Variants in DYNC1I1 observed in about 807,000 individuals in gnomAD.
The protein encoded by DYNC1I1 is cytoplasmic dynein 1 intermediate chain 1.
A neutral mutation model predicts 86.6 loss-of-function variants in DYNC1I1; 43 were observed. That is an observed-to-expected ratio of 0.50 (90% CI 0.39 to 0.64). The LOEUF is 0.64. DYNC1I1 is among the 30% of genes least tolerant of loss of function. DYNC1I1 has a pLI of 0.00. For missense variants in DYNC1I1, 604 were observed against 788.8 expected, an observed-to-expected ratio of 0.77 and a Z score of 2.81; for synonymous variants, 262 against 283.7, an observed-to-expected ratio of 0.92 and a Z score of 0.77.
At chr7:95,837,320 C>G (rs971874350) in intron 5 of DYNC1I1, among the ~76,000 whole-genome samples, 23 of 152,186 alleles carry the variant, frequency 1.5e-4, no homozygotes, top group African/African-American at 5.3e-4. Flanking sequence ...AGGCAGTCTG[C>G]CCGTTCTCAG....
At position 95,813,202 on chromosome 7, in the gene DYNC1I1, C is replaced by T. The variant is rs199740432; in HGVS notation, c.224-45C>T. The T allele has an allele frequency of 1.2e-4, 191 of 1,611,682 alleles. No individual in the cohort carries two copies. Among genetic ancestry groups the T allele is most frequent in the South Asian group, 3.3e-4 (30 of 91,006 alleles). ...TGACACTGCTCTTCACCAGTGCAGCCGCTGCATTTTTTAACATGGGATACC... is the reference window on the plus strand; with the variant it reads ...TGACACTGCTCTTCACCAGTGCAGCTGCTGCATTTTTTAACATGGGATACC... On this transcript the variant is annotated intron_variant, in intron 3 of 16. Coordinates refer to ENST00000447467, the MANE Select transcript of DYNC1I1 (RefSeq NM_001135556.2).
intron 6 of DYNC1I1, among the ~76,000 whole-genome samples, chr7:95,957,153 C>G (rs1213236986): frequency 6.6e-6 from 1 of 152,120 alleles, no homozygotes; most frequent in African/African-American, 2.4e-5. Flanking sequence ...AAATACTTCA[C>G]TATGAAATGA....
chr7:96,051,249 G>T (rs1789396488), intron 14 of DYNC1I1, among the ~76,000 whole-genome samples: 1 of 152,136 alleles, frequency 6.6e-6, no homozygotes, highest in South Asian at 2.1e-4. Flanking sequence ...GGGGGATTTA[G>T]GTTCATGATA....
chr7:95,784,546 A>C (rs1348771998), intron 1 of DYNC1I1, among the ~76,000 whole-genome samples: 1 of 152,178 alleles, frequency 6.6e-6, no homozygotes, highest in Non-Finnish European at 1.5e-5. Flanking sequence ...GTGATGCTGC[A>C]GAGCTTGTGG....
intron 6 of DYNC1I1, among the ~76,000 whole-genome samples, chr7:95,931,172 G>C (rs1791885218): frequency 6.6e-6 from 1 of 150,752 alleles, no homozygotes; most frequent in South Asian, 2.1e-4. Flanking sequence ...TGGAGACAGA[G>C]TCTCACTTTG....
intron 10 of DYNC1I1, among the ~76,000 whole-genome samples, chr7:96,005,422 A>AT (rs1794116316): frequency 6.6e-6 from 1 of 151,952 alleles, no homozygotes; most frequent in South Asian, 2.1e-4. Context: ...CTTCTCTGTG[A>AT]TTTTTCATCT....
chr7:96,041,510 G>A (rs1228958068), intron 14 of DYNC1I1, among the ~76,000 whole-genome samples: 1 of 152,138 alleles, frequency 6.6e-6, no homozygotes, highest in Non-Finnish European at 1.5e-5. Context: ...AAGACATATG[G>A]AGAAGGACAT....
intron 10 of DYNC1I1, among the ~76,000 whole-genome samples, chr7:96,008,014 T>A (rs1342684512): frequency 2.6e-5 from 4 of 152,150 alleles, no homozygotes. Flanking sequence ...CCACTGTATT[T>A]ATTATTGCAC....
intron 9 of DYNC1I1, among the ~76,000 whole-genome samples, chr7:95,987,599 T>C (rs915423404): frequency 6.6e-5 from 10 of 152,204 alleles, no homozygotes; most frequent in South Asian, 2.1e-4. Flanking sequence ...CTGACCATCC[T>C]TGAGGTCCCT....
chr7:95,852,827 T>G (rs1789616917), intron 5 of DYNC1I1, among the ~76,000 whole-genome samples: 1 of 152,180 alleles, frequency 6.6e-6, no homozygotes, highest in Admixed American at 6.5e-5. Flanking sequence ...TTTTATTTCC[T>G]TCTATTAACT....
chr7:95,823,208 A>G (rs1194311173), intron 4 of DYNC1I1, among the ~76,000 whole-genome samples: 1 of 152,132 alleles, frequency 6.6e-6, no homozygotes, highest in African/African-American at 2.4e-5. Flanking sequence ...CACTGAGGAA[A>G]ATGAATTTAG....
intron 6 of DYNC1I1, among the ~76,000 whole-genome samples, chr7:95,870,881 CGTT>C (rs10532792): frequency 0.2 from 30,563 of 151,746 alleles, 3,864 homozygotes; most frequent in East Asian, 0.45. Flanking sequence ...TAGAGGCTAA[CGTT>C]GTTATAGCAA....
intron 6 of DYNC1I1, among the ~76,000 whole-genome samples, chr7:95,934,767 C>T (rs1390382956): frequency 1.3e-5 from 2 of 151,964 alleles, no homozygotes; most frequent in Non-Finnish European, 2.9e-5. Flanking sequence ...TTTAAAATTG[C>T]TATCTCATAC....
In DYNC1I1 at chr7:95,859,082, A is replaced by G. The variant is rs191227354; in HGVS notation, c.375-10801A>G. 7.1e-4 allele frequency among the ~76,000 whole-genome samples: 107 copies of G among 150,234 alleles called. 4 individuals are homozygous for G. Among genetic ancestry groups the G allele is most frequent in the Admixed American group, 5.9e-3 (89 of 14,986 alleles). ...GTTCATAAGTTCTTCTGCTTGATCAATTCTGCTGTTGATGTTCTCTGTTCC... is the reference window on the plus strand; with the variant it reads ...GTTCATAAGTTCTTCTGCTTGATCAGTTCTGCTGTTGATGTTCTCTGTTCC... On this transcript the variant is annotated intron_variant, in intron 5 of 16. Coordinates refer to ENST00000447467, the MANE Select transcript of DYNC1I1 (RefSeq NM_001135556.2).
At chr7:95,974,524 C>A (rs1222828775) in intron 6 of DYNC1I1, among the ~76,000 whole-genome samples, 2 of 152,088 alleles carry the variant, frequency 1.3e-5, no homozygotes, top group Non-Finnish European at 1.5e-5. Context: ...CAGAGAGTTC[C>A]TATGAATTGG....
At chr7:96,055,836 C>G (rs949669626) in intron 14 of DYNC1I1, 5 of 152,208 alleles carry the variant, frequency 3.3e-5, no homozygotes, top group Admixed American at 1.3e-4. Flanking sequence ...GGAAATGCAC[C>G]AGCTTTGTGG....
chr7:96,055,488 A>G (rs540811357), intron 14 of DYNC1I1, among the ~76,000 whole-genome samples: 1 of 152,340 alleles, frequency 6.6e-6, no homozygotes, highest in Admixed American at 6.5e-5. Context: ...TTTACAAAGT[A>G]CCAGAAGAAT....
chr7:95,855,895 G>A lies in DYNC1I1; in HGVS notation c.375-13988G>A, dbSNP rs575017082. Among the ~76,000 whole-genome samples the A allele has an allele frequency of 1.6e-3, 237 of 152,308 alleles. 2 individuals are homozygous for A. Among genetic ancestry groups the A allele is most frequent in the Non-Finnish European group, 3.0e-3 (204 of 68,020 alleles). ...GTTAGTGAGTGAGTGGTAAGTGAAT[G>A]TGAAGGTCTAGGACATTACTGTACA... On this transcript the variant is annotated intron_variant, in intron 5 of 16. Transcript: ENST00000447467.
chr7:95,883,794 C>T (rs76757627), intron 6 of DYNC1I1, among the ~76,000 whole-genome samples: 3,682 of 152,274 alleles, frequency 0.024, 122 homozygotes, highest in African/African-American at 0.075. Flanking sequence ...CACTGTGGAA[C>T]TTCCTCTTAA....
Sources: gnomAD v4.1 joint callset for allele counts (sites outside exome capture counted in the v4.1 genomes callset) on GRCh38, gnomAD v4.1.1 for gene constraint, MANE v1.5 for transcripts, NCBI Gene and HGNC (gene_info 2026-07-23, HGNC 2026-07-21) for gene names.